ZNF469: variants seen among roughly 807,000 people sequenced by gnomAD.
ZNF469 encodes zinc finger protein 469.
In ZNF469, 1 loss-of-function variant was observed where a neutral mutation model predicts 1.0. The observed-to-expected ratio is 1.00, with a 90% CI of 0.35 to 4.73. ZNF469 has a LOEUF of 4.73. ZNF469 is among the 30% of genes most tolerant of loss of function. The pLI is 0.16. For missense variants in ZNF469, 6,100 were observed against 5,356.3 expected, an observed-to-expected ratio of 1.14 and a Z score of -4.33; for synonymous variants, 2,703 against 2,363.4, an observed-to-expected ratio of 1.14 and a Z score of -4.17.
chr16:88,200,826 T>A, the ZNF469 span, among the ~76,000 whole-genome samples: 1 of 152,244 alleles, frequency 6.6e-6, no homozygotes, highest in African/African-American at 2.4e-5. Context: ...CCACAGCTCC[T>A]CTGTTGTCCT....
chr16:88,386,586 C>T (rs550552967), intron 1 of ZNF469, among the ~76,000 whole-genome samples: 2 of 152,286 alleles, frequency 1.3e-5, no homozygotes, highest in East Asian at 1.9e-4. Context: ...GCTCAGCAGG[C>T]GCTGGCCGGT....
chr16:88,275,496 G>A, the ZNF469 span, among the ~76,000 whole-genome samples: 3 of 152,176 alleles, frequency 2.0e-5, no homozygotes, highest in Admixed American at 6.5e-5. Context: ...AGCTCCTGCC[G>A]CCACCCACCT....
chr16:88,435,884 C>A lies in ZNF469; in HGVS notation c.8414C>A (p.Thr2805Asn). The A allele has an allele frequency of 6.5e-7, 1 of 1,550,206 alleles. No individual in the cohort carries two copies. The highest frequency in any genetic ancestry group is 1.2e-5 in the South Asian group (1 of 84,064). Residue 2805 changes from threonine to asparagine, a missense_variant, in exon 3 of 3, where the codon ACT becomes AAT. Coordinates refer to ENST00000565624, the MANE Select transcript of ZNF469 (RefSeq NM_001367624.2). ...PPLGPLGFPE[T>N]SSSPADSTTS... ...TTGGGCCCCCTGGGTTTTCCCGAGA[C>A]TTCCAGCTCTCCGGCGGACAGCACC... is the stretch of plus-strand genomic sequence containing the variant.
Position 88,428,242 on chromosome 16 carries a change from A to G in ZNF469, c.772A>G (p.Ile258Val), listed in dbSNP as rs558954436. 5.2e-6 allele frequency: 8 copies of G among 1,550,320 alleles called. No individual in the cohort carries two copies. In the South Asian group the frequency reaches 9.5e-5, roughly 18 times the overall value. Residue 258 changes from isoleucine to valine, a missense_variant, in exon 3 of 3, where the codon ATT becomes GTT. Ile to Val is a conservative substitution (Grantham distance 29). Coordinates refer to ENST00000565624, the MANE Select transcript of ZNF469 (RefSeq NM_001367624.2). ...GGTTCCCCCCGCCGAGCCGGAACCT[A>G]TTCCCAAAGGCAGCAGGCCCGGCGG... ...FGVPPAEPEP[I>V]PKGSRPGGSP...
the ZNF469 span, among the ~76,000 whole-genome samples, chr16:88,129,603 C>T: frequency 0.038 from 5,711 of 152,278 alleles, 356 homozygotes; most frequent in African/African-American, 0.13. Flanking sequence ...CCTATAATCC[C>T]AGCACTTTGG....
chr16:88,412,375 G>A (rs1459701444), intron 1 of ZNF469, among the ~76,000 whole-genome samples: 6 of 152,272 alleles, frequency 3.9e-5, no homozygotes, highest in Middle Eastern at 3.4e-3. Flanking sequence ...CTGTGTGACC[G>A]CAGGCACCTC....
chr16:88,371,204 C>A, the ZNF469 span, among the ~76,000 whole-genome samples: 1 of 152,232 alleles, frequency 6.6e-6, no homozygotes, highest in Non-Finnish European at 1.5e-5. Context: ...ATGGCAGCCT[C>A]CTCAGTCTGA....
chr16:88,197,758 C>T, the ZNF469 span, among the ~76,000 whole-genome samples: 3 of 152,234 alleles, frequency 2.0e-5, no homozygotes, highest in East Asian at 1.9e-4. Flanking sequence ...TCCACTTCTA[C>T]GTTTGCACCT....
Position 88,438,364 on chromosome 16 carries a change from A to C in ZNF469, c.10894A>C (p.Arg3632=). 4 of 1,550,212 alleles carry C rather than the reference A, an allele frequency of 2.6e-6. No individual in the cohort carries two copies. The highest frequency in any genetic ancestry group is 3.5e-6 in the Non-Finnish European group (4 of 1,146,952). The change falls in exon 3 of 3, where the codon AGG becomes CGG. Residue 3632 remains arginine (R), a synonymous_variant. Coordinates refer to ENST00000565624, the MANE Select transcript of ZNF469 (RefSeq NM_001367624.2). ...GKRRAPGARG[R]CAPDHFQEDH... is the part of the protein sequence containing the mutation. ...ACGCAGGGCCCCGGGTGCCCGTGGC[A>C]GGTGTGCCCCTGACCATTTCCAGGA...
upstream of ZNF469, among the ~76,000 whole-genome samples, chr16:88,378,954 C>T (rs2092515034): frequency 6.6e-6 from 1 of 152,238 alleles, no homozygotes; most frequent in African/African-American, 2.4e-5. Context: ...AGGGGTGCGG[C>T]CTTGCTCTCA....
chr16:88,295,053 T>C, the ZNF469 span, among the ~76,000 whole-genome samples: 13 of 133,554 alleles, frequency 9.7e-5, no homozygotes, highest in East Asian at 2.7e-3. Context: ...CCCCAGGATG[T>C]GGCAGGGCTC....
chr16:88,331,146 A>G, the ZNF469 span, among the ~76,000 whole-genome samples: 2 of 151,148 alleles, frequency 1.3e-5, no homozygotes, highest in Admixed American at 6.6e-5. Flanking sequence ...CACCATCACC[A>G]TCACTATTAC....
At chr16:88,279,041 C>G in the ZNF469 span, among the ~76,000 whole-genome samples, 1 of 151,898 alleles carries the variant, frequency 6.6e-6, no homozygotes, top group African/African-American at 2.4e-5. Flanking sequence ...CGCCAACGCT[C>G]AGTCAGTACT....
At chr16:88,211,505 C>T in the ZNF469 span, among the ~76,000 whole-genome samples, 4 of 151,750 alleles carry the variant, frequency 2.6e-5, no homozygotes, top group Admixed American at 1.3e-4. Context: ...GTATTCCGAA[C>T]GTTGTTACTG....
the ZNF469 span, among the ~76,000 whole-genome samples, chr16:88,267,798 G>C: frequency 2.0e-4 from 31 of 152,038 alleles, no homozygotes; most frequent in African/African-American, 7.5e-4. Context: ...AGGTCGGGCT[G>C]TTTGGGATAA....
the ZNF469 span, among the ~76,000 whole-genome samples, chr16:88,233,073 G>T: frequency 1.3e-5 from 2 of 152,190 alleles, no homozygotes; most frequent in East Asian, 3.9e-4. Flanking sequence ...GCCTCTGTCT[G>T]CTCCTTCCAG....
At chr16:88,210,706 G>A in the ZNF469 span, among the ~76,000 whole-genome samples, 8 of 152,346 alleles carry the variant, frequency 5.3e-5, no homozygotes, top group African/African-American at 1.4e-4. Flanking sequence ...AGACGTGAAC[G>A]TCACTTTGAC....
chr16:88,357,870 C>A, the ZNF469 span, among the ~76,000 whole-genome samples: 4 of 152,054 alleles, frequency 2.6e-5, no homozygotes, highest in Admixed American at 2.6e-4. Flanking sequence ...CGGAGGGAGC[C>A]GGTGGCAGGG....
chr16:88,207,537 G>A, the ZNF469 span, among the ~76,000 whole-genome samples: 2 of 148,574 alleles, frequency 1.3e-5, no homozygotes, highest in African/African-American at 2.5e-5. Context: ...GCGGCTCTGG[G>A]TGCCTGTGGC....
Sources: gnomAD v4.1 joint callset for allele counts (sites outside exome capture counted in the v4.1 genomes callset) on GRCh38, gnomAD v4.1.1 for gene constraint, MANE v1.5 for transcripts, NCBI Gene and HGNC (gene_info 2026-07-23, HGNC 2026-07-21) for gene names.